The following ITCH variants were observed in gnomAD, a reference collection of about 807,000 sequenced individuals.
ITCH encodes the protein itchy E3 ubiquitin protein ligase, also known as E3 ubiquitin-protein ligase Itchy homolog.
In ITCH, 28 loss-of-function variants were observed where a neutral mutation model predicts 126.8. The ratio of observed to expected loss-of-function variants is 0.22; its 90% CI spans 0.16 to 0.30. The LOEUF (loss-of-function observed/expected upper bound fraction) is 0.30, where lower values mean the gene tolerates loss of function less well. Among genes scored for constraint, ITCH ranks in the 10% least tolerant of loss-of-function variants. ITCH has a pLI of 1.00. For missense variants in ITCH, 631 were observed against 1,032.4 expected (o/e 0.61, Z 5.33); for synonymous variants, 342 against 340.0 (o/e 1.01, Z -0.06).
intron 3 of ITCH, among the ~76,000 whole-genome samples, chr20:34,398,642 A>G (rs963133895): frequency 6.6e-6 from 1 of 151,450 alleles, no homozygotes; most frequent in African/African-American, 2.4e-5. Context: ...CAGGTGATCC[A>G]CCCGCCTCTG....
chr20:34,372,997 G>A (rs993376650), intron 2 of ITCH, among the ~76,000 whole-genome samples: 7 of 146,550 alleles, frequency 4.8e-5, no homozygotes, highest in African/African-American at 1.8e-4. Flanking sequence ...TTTTTGAGAC[G>A]GAGTTTTTCT....
Position 34,440,239 on chromosome 20 carries a change from A to G in ITCH, c.764A>G (p.Asn255Ser), listed in dbSNP as rs761649622. ...GSLPPTNTNT[N>S]TSEGATSGLI... ...CTGCCGCCGACAAATACAAATACAA[A>G]TACATCTGAAGGAGCAACATCTGGA... The change falls in exon 9 of 25, where the codon AAT becomes AGT. Residue 255 changes from asparagine to serine, a missense_variant. Transcript: ENST00000374864. 1 of 1,613,158 alleles carries G rather than the reference A, an allele frequency of 6.2e-7. No homozygotes were observed. Among genetic ancestry groups the G allele is most frequent in the African/African-American group, 1.3e-5 (1 of 74,924 alleles).
At chr20:34,440,883 A>C (rs1242756379) in intron 9 of ITCH, among the ~76,000 whole-genome samples, 1 of 152,222 alleles carries the variant, frequency 6.6e-6, no homozygotes, top group Non-Finnish European at 1.5e-5. Context: ...AAGTTAACCA[A>C]GGCCAATTAA....
intron 14 of ITCH, among the ~76,000 whole-genome samples, chr20:34,464,380 G>C (rs1986841443): frequency 6.8e-6 from 1 of 147,886 alleles, no homozygotes; most frequent in Non-Finnish European, 1.5e-5. Flanking sequence ...GCCCAGGAGT[G>C]CAATGGTGCG....
intron 4 of ITCH, among the ~76,000 whole-genome samples, chr20:34,411,677 A>G (rs1473691311): frequency 6.6e-6 from 1 of 152,206 alleles, no homozygotes; most frequent in Non-Finnish European, 1.5e-5. Context: ...TGATCACATT[A>G]GAGAGAATGA....
At chr20:34,451,324 G>A (rs1985215113) in intron 12 of ITCH, among the ~76,000 whole-genome samples, 1 of 151,870 alleles carries the variant, frequency 6.6e-6, no homozygotes, top group African/African-American at 2.4e-5. Flanking sequence ...GCCAGGCATG[G>A]TGGTGCTTGC....
At chr20:34,374,258 T>C (rs2037751926) in intron 2 of ITCH, among the ~76,000 whole-genome samples, 1 of 152,176 alleles carries the variant, frequency 6.6e-6, no homozygotes, top group South Asian at 2.1e-4. Context: ...TCAAATTTAG[T>C]TGGTCACAAA....
At chr20:34,478,059 G>A (rs1485228505) in intron 17 of ITCH, among the ~76,000 whole-genome samples, 199 bp downstream of exon 17, 1 of 152,168 alleles carries the variant, frequency 6.6e-6, no homozygotes, top group Non-Finnish European at 1.5e-5. Flanking sequence ...ACAGCTGATT[G>A]ATTTCACCCA....
chr20:34,422,041 T>C (rs1222297642), intron 6 of ITCH, among the ~76,000 whole-genome samples: 1 of 152,094 alleles, frequency 6.6e-6, no homozygotes, highest in East Asian at 1.9e-4. Flanking sequence ...TATTGAAAAA[T>C]GGCCCTTGTT....
At chr20:34,490,447 G>A (rs947145496) in intron 22 of ITCH, among the ~76,000 whole-genome samples, 2 of 152,082 alleles carry the variant, frequency 1.3e-5, no homozygotes, top group Admixed American at 6.5e-5. Flanking sequence ...GAGGCGGGTG[G>A]ATCACGACAT....
chr20:34,444,770 A>G (rs1456631940), intron 10 of ITCH, among the ~76,000 whole-genome samples: 1 of 152,126 alleles, frequency 6.6e-6, no homozygotes, highest in African/African-American at 2.4e-5. Context: ...CGTCCCGCGT[A>G]GCTGGGACTA....
chr20:34,396,552 A>G (rs1291437283), intron 3 of ITCH, among the ~76,000 whole-genome samples: 1 of 151,192 alleles, frequency 6.6e-6, no homozygotes, highest in Non-Finnish European at 1.5e-5. Flanking sequence ...TCTGTCACCC[A>G]GGCTGGAGTG....
chr20:34,470,240 CTCTT>C (rs1444506530), intron 15 of ITCH, 120 bp downstream of exon 15: 9 of 818,498 alleles, frequency 1.1e-5, no homozygotes, highest in Non-Finnish European at 2.0e-5. Flanking sequence ...GCATTAGAAT[CTCTT>C]TCATCTATTT....
At position 34,402,216 on chromosome 20, in the gene ITCH, A is replaced by G. The variant is rs1601815032; in HGVS notation, c.71-6435A>G. The G allele has an allele frequency of 3.5e-6, 5 of 1,421,626 alleles. No individual in the cohort carries two copies. The East Asian group carries it at 6.8e-5, about 19-fold the overall frequency. 88.1% of individuals were successfully genotyped at this position (1,421,626 alleles called of 1,614,324 possible). A position where few individuals can be genotyped will look rare whatever the true frequency, so the allele number is the denominator to read the frequency against. On this transcript the variant is annotated intron_variant, in intron 3 of 24. Transcript: ENST00000374864. ...CAGGGCAGCCAATATTGCTTCGTCA[A>G]ATACATTCTTTAGGCCTTTCTTTGT...
intron 10 of ITCH, among the ~76,000 whole-genome samples, chr20:34,443,029 T>C (rs960670422): frequency 2.2e-4 from 33 of 152,020 alleles, no homozygotes; most frequent in African/African-American, 7.2e-4. Context: ...TTTACCTGTT[T>C]ACTAATACTG....
At chr20:34,417,295 C>G in intron 6 of ITCH, 2 of 445,832 alleles carry the variant, frequency 4.5e-6, no homozygotes, top group South Asian at 4.7e-5. Flanking sequence ...CAGGGTTTCT[C>G]CGTGTTGGCC....
At chr20:34,488,255 T>C (rs1398291124) in intron 20 of ITCH, among the ~76,000 whole-genome samples, 2 of 152,136 alleles carry the variant, frequency 1.3e-5, no homozygotes. Flanking sequence ...TTTTCTCAGC[T>C]TTTATATGAA....
At chr20:34,461,942 C>T (rs938916061) in intron 13 of ITCH, 151 bp from the exon 14 acceptor site, 5 of 700,204 alleles carry the variant, frequency 7.1e-6, no homozygotes, top group Non-Finnish European at 1.2e-5. Context: ...GTAGGATGTC[C>T]ACATAGAGAT....
chr20:34,466,756 AC>A (rs1176125893), intron 14 of ITCH, among the ~76,000 whole-genome samples: 1 of 152,206 alleles, frequency 6.6e-6, no homozygotes, highest in African/African-American at 2.4e-5. Context: ...AATAATTAAA[AC>A]ACCACATATC....
Sources: gnomAD v4.1 joint callset for allele counts (sites outside exome capture counted in the v4.1 genomes callset) on GRCh38, gnomAD v4.1.1 for gene constraint, MANE v1.5 for transcripts, NCBI Gene and HGNC (gene_info 2026-07-23, HGNC 2026-07-21) for gene names.